Variants in WIPF1 observed in about 807,000 individuals in gnomAD.
WIPF1 encodes WAS/WASL-interacting protein family member 1.
WIPF1 carries 13 observed loss-of-function variants against 35.4 expected under a neutral mutation model. That is an observed-to-expected ratio of 0.37 (90% CI 0.24 to 0.58). The LOEUF (loss-of-function observed/expected upper bound fraction) is 0.58, where lower values mean the gene tolerates loss of function less well. Ranked by LOEUF, WIPF1 falls within the 20% of genes least tolerant of loss-of-function variation. WIPF1 has a pLI of 0.74. For synonymous variants in WIPF1, 267 were observed against 266.3 expected, an observed-to-expected ratio of 1.00 and a Z score of -0.02; for missense variants, 591 against 667.0, an observed-to-expected ratio of 0.89 and a Z score of 1.25.
chr2:174,637,853 C>T (rs1161415536), intron 1 of WIPF1, among the ~76,000 whole-genome samples: 1 of 152,208 alleles, frequency 6.6e-6, no homozygotes, highest in Non-Finnish European at 1.5e-5. Flanking sequence ...CTGGCTTAAT[C>T]CCAAGATGCA....
At position 174,562,100 on chromosome 2, in the gene WIPF1, C is replaced by T. The variant is rs1355948736; in HGVS notation, c.*447G>A. On this transcript the variant is annotated 3_prime_UTR_variant, in exon 8 of 8. Transcript: ENST00000679041. ...TGTGACTGCAAGTTTCCAGTGAGCCCTTACTCAGCAGCTTGCTTAGGTGGT... is the reference window on the plus strand; with the variant it reads ...TGTGACTGCAAGTTTCCAGTGAGCCTTTACTCAGCAGCTTGCTTAGGTGGT... The T allele has an allele frequency of 1.3e-6, 2 of 1,550,504 alleles. No individual in the cohort carries two copies. Among genetic ancestry groups the T allele is most frequent in the African/African-American group, 2.7e-5 (2 of 73,030 alleles).
intron 1 of WIPF1, among the ~76,000 whole-genome samples, chr2:174,613,938 T>C (rs1431088797): frequency 3.3e-5 from 5 of 152,232 alleles, no homozygotes; most frequent in Non-Finnish European, 1.5e-5. Flanking sequence ...TCTCCATTTA[T>C]GTCATTTATC....
At chr2:174,628,139 C>A (rs906682072) in intron 1 of WIPF1, among the ~76,000 whole-genome samples, 2 of 152,066 alleles carry the variant, frequency 1.3e-5, no homozygotes, top group African/African-American at 4.8e-5. Flanking sequence ...TGCTGGGCAC[C>A]CCGGAATCTA....
intron 1 of WIPF1, among the ~76,000 whole-genome samples, chr2:174,660,286 C>T (rs886546804): frequency 5.3e-5 from 8 of 152,160 alleles, no homozygotes; most frequent in African/African-American, 1.4e-4. Context: ...GTCCAAACCC[C>T]GGTCCTGCCA....
chr2:174,577,505 G>A (rs895528172), intron 3 of WIPF1, among the ~76,000 whole-genome samples: 1 of 152,128 alleles, frequency 6.6e-6, no homozygotes, highest in African/African-American at 2.4e-5. Context: ...TCAGTCTGTG[G>A]ATCCTTCTAT....
chr2:174,607,372 C>T (rs1208155207), intron 1 of WIPF1, among the ~76,000 whole-genome samples: 1 of 151,994 alleles, frequency 6.6e-6, no homozygotes, highest in Non-Finnish European at 1.5e-5. Flanking sequence ...CACTGCACTC[C>T]AACCTGGGCA....
chr2:174,569,499 AC>A (rs1684765689), intron 5 of WIPF1, among the ~76,000 whole-genome samples: 1 of 152,202 alleles, frequency 6.6e-6, no homozygotes, highest in African/African-American at 2.4e-5. Context: ...GGGGCCCTGT[AC>A]TACGTAACTT....
intron 1 of WIPF1, among the ~76,000 whole-genome samples, chr2:174,624,061 G>C (rs2105919913): frequency 6.6e-6 from 1 of 152,272 alleles, no homozygotes; most frequent in South Asian, 2.1e-4. Context: ...TGCTAGTGCA[G>C]CTCAGAAATA....
At chr2:174,639,589 G>A (rs1687255688) in intron 1 of WIPF1, among the ~76,000 whole-genome samples, 1 of 151,930 alleles carries the variant, frequency 6.6e-6, no homozygotes, top group African/African-American at 2.4e-5. Flanking sequence ...TTTGCTATTA[G>A]TTCCTTATAT....
chr2:174,614,209 C>T (rs938283922), intron 1 of WIPF1, among the ~76,000 whole-genome samples: 2 of 152,186 alleles, frequency 1.3e-5, no homozygotes, highest in African/African-American at 2.4e-5. Flanking sequence ...TGGAGAGAGC[C>T]ATTGCTAATT....
chr2:174,677,610 CCTAAA>C (rs1437002582), intron 1 of WIPF1, among the ~76,000 whole-genome samples: 1 of 152,192 alleles, frequency 6.6e-6, no homozygotes, highest in Non-Finnish European at 1.5e-5. Context: ...TATCAAAGCT[CCTAAA>C]CTAGTGAAAT....
rs550673714 is a variant in WIPF1, at chr2:174,641,144, G to A, written c.-39+41630C>T. 2.6e-5 allele frequency among the ~76,000 whole-genome samples: 4 copies of A among 152,336 alleles called. No homozygotes were observed. In the East Asian group the frequency reaches 5.8e-4, roughly 22 times the overall value. On this transcript the variant is annotated intron_variant, in intron 1 of 8. Coordinates refer to the WIPF1 transcript ENST00000272746. Reference sequence around the variant, plus strand: ...CAAAAGTGCCAAGAACACATACTGGGTAAGAGACATTCTCTTCAATAAATG... The same window carrying A: ...CAAAAGTGCCAAGAACACATACTGGATAAGAGACATTCTCTTCAATAAATG...
chr2:174,660,108 A>T (rs1191612574), intron 1 of WIPF1, among the ~76,000 whole-genome samples: 1 of 152,218 alleles, frequency 6.6e-6, no homozygotes, highest in Non-Finnish European at 1.5e-5. Context: ...GAGAGATGTG[A>T]TAACTGTCTT....
At chr2:174,647,614 C>T (rs577115657) in intron 1 of WIPF1, among the ~76,000 whole-genome samples, 4 of 148,936 alleles carry the variant, frequency 2.7e-5, no homozygotes, top group Admixed American at 6.8e-5. Context: ...CCTCGTGATC[C>T]GTGCCCCCTT....
At chr2:174,599,792 ACTCT>A (rs3049904), upstream of WIPF1, among the ~76,000 whole-genome samples, 12 of 148,592 alleles carry the variant, frequency 8.1e-5, no homozygotes, top group Non-Finnish European at 1.5e-4. Context: ...ACACACACAC[ACTCT>A]CTCTCTCTCT....
intron 2 of WIPF1, among the ~76,000 whole-genome samples, chr2:174,584,864 C>T (rs1265198517): frequency 2.7e-5 from 4 of 149,802 alleles, no homozygotes; most frequent in African/African-American, 7.4e-5. Flanking sequence ...GAGCTGAGAT[C>T]GTGCCATTGC....
intron 4 of WIPF1, among the ~76,000 whole-genome samples, chr2:174,572,849 TCA>T (rs1684920404): frequency 6.6e-6 from 1 of 152,240 alleles, no homozygotes; most frequent in African/African-American, 2.4e-5. Context: ...CTTGTACCTC[TCA>T]GTTTTGAAAC....
intron 1 of WIPF1, among the ~76,000 whole-genome samples, chr2:174,676,887 G>T (rs539010141): frequency 6.6e-6 from 1 of 152,104 alleles, no homozygotes. Context: ...TTGTGGCCAG[G>T]TATAATGGCT....
intron 1 of WIPF1, among the ~76,000 whole-genome samples, chr2:174,677,948 T>A (rs1329099635): frequency 6.6e-6 from 1 of 152,242 alleles, no homozygotes; most frequent in Non-Finnish European, 1.5e-5. Context: ...TCACTAACTG[T>A]GGGACCTTGG....
Sources: gnomAD v4.1 joint callset for allele counts (sites outside exome capture counted in the v4.1 genomes callset) on GRCh38, gnomAD v4.1.1 for gene constraint, MANE v1.5 for transcripts, NCBI Gene and HGNC (gene_info 2026-07-23, HGNC 2026-07-21) for gene names.